HYOU1: variants seen among roughly 807,000 people sequenced by gnomAD.
HYOU1 encodes hypoxia up-regulated protein 1.
A neutral mutation model predicts 120.5 loss-of-function variants in HYOU1; 40 were observed. The observed-to-expected ratio is 0.33, with a 90% CI of 0.26 to 0.43. The LOEUF is 0.43. HYOU1 is among the 20% of genes least tolerant of loss of function. HYOU1 has a pLI of 1.00. For synonymous variants in HYOU1, 501 were observed against 479.4 expected, an observed-to-expected ratio of 1.05 and a Z score of -0.59; for missense variants, 1,085 against 1,278.3, an observed-to-expected ratio of 0.85 and a Z score of 2.31.
Position 119,052,000 on chromosome 11 carries a change from G to T in HYOU1, c.1206-49C>A. On this transcript the variant is annotated intron_variant, in intron 11 of 25. Coordinates refer to ENST00000617285, the MANE Select transcript of HYOU1 (RefSeq NM_006389.5). This position sits in a 1 kb window ranked among gnomAD's most constrained non-coding sequence, Gnocchi z 4.2. ...ACGGTCTACCCTGGAGCATGCAACC[G>T]GGACTTCCCTCCCCTCAGCCCTCCA... is the stretch of plus-strand genomic sequence containing the variant. 6.2e-7 allele frequency: 1 copy of T among 1,613,080 alleles called. No homozygotes were observed. Among genetic ancestry groups the T allele is most frequent in the Non-Finnish European group, 8.5e-7 (1 of 1,179,228 alleles).
chr11:119,052,531 G>A lies in HYOU1; in HGVS notation c.988-102C>T, dbSNP rs114036025. 7,063 of 1,582,088 alleles carry A rather than the reference G, an allele frequency of 4.5e-3. 166 individuals carry two copies. In the African/African-American group the frequency reaches 0.063, roughly 14 times the overall value. On this transcript the variant is annotated intron_variant, in intron 9 of 25. Transcript: ENST00000617285. This position sits in a 1 kb window ranked among gnomAD's most constrained non-coding sequence, Gnocchi z 5.0. ...AATAGGTCTTTGGGAGGATGGTAGC[G>A]GGAGGAGCATGGGCCATGCCAGGCA...
chr11:119,052,400 G>C lies in HYOU1; in HGVS notation c.1017C>G (p.Phe339Leu), dbSNP rs2133592570. 34 of 1,614,100 alleles carry C rather than the reference G, an allele frequency of 2.1e-5. No homozygotes were observed. The highest frequency in any genetic ancestry group is 2.4e-5 in the Non-Finnish European group (28 of 1,180,054). ...QIEGLMDDVDFKAKVTRVEFE... is the reference protein window; with the variant it reads ...QIEGLMDDVDLKAKVTRVEFE... The stretch of plus-strand genomic sequence containing the variant: ...ATTCCACACGAGTCACTTTTGCCTT[G>C]AAGTCCACATCATCCATCAGGCCTT... The change falls in exon 10 of 26, where the codon TTC (phenylalanine) becomes TTG (leucine). Residue 339 changes from phenylalanine (F) to leucine (L), a missense_variant. By Grantham distance (22) the Phe-to-Leu change is conservative. Transcript: ENST00000617285. This position sits in a 1 kb window ranked among gnomAD's most constrained non-coding sequence, Gnocchi z 5.0.
Position 119,051,687 on chromosome 11 carries a change from G to A in HYOU1, c.1339-62C>T. Reference sequence around the variant, plus strand: ...CTAGAGAACCCGAGTAGGTTCTGGGGTAAGGATGGGGGTGGGATGGGGGAG... The same window carrying A: ...CTAGAGAACCCGAGTAGGTTCTGGGATAAGGATGGGGGTGGGATGGGGGAG... On this transcript the variant is annotated intron_variant, in intron 12 of 25. Transcript: ENST00000617285. The surrounding 1 kb of genome is among the most constrained non-coding windows in gnomAD (Gnocchi z 4.2). 3.2e-6 allele frequency: 5 copies of A among 1,585,338 alleles called. No homozygotes were observed. The highest frequency in any genetic ancestry group is 1.1e-5 in the South Asian group (1 of 89,814).
rs1420377740 is a variant in HYOU1, at chr11:119,052,206, T to C, written c.1123-34A>G. Reference sequence around the variant, plus strand: ...GGTAAGAATGACAGGTGCAACAGCATGCAGTTAGCACTGACTCGTCCCTTG... The same window carrying C: ...GGTAAGAATGACAGGTGCAACAGCACGCAGTTAGCACTGACTCGTCCCTTG... On this transcript the variant is annotated intron_variant, in intron 10 of 25. Coordinates refer to ENST00000617285, the MANE Select transcript of HYOU1 (RefSeq NM_006389.5). The surrounding 1 kb of genome is among the most constrained non-coding windows in gnomAD (Gnocchi z 5.0). 3.7e-6 allele frequency: 6 copies of C among 1,613,706 alleles called. No individual in the cohort carries two copies. The highest frequency in any genetic ancestry group is 5.1e-6 in the Non-Finnish European group (6 of 1,179,608).
Position 119,052,550 on chromosome 11 carries a change from C to A in HYOU1, c.987+87G>T. On this transcript the variant is annotated intron_variant, in intron 9 of 25. Transcript: ENST00000617285. The surrounding 1 kb of genome is among the most constrained non-coding windows in gnomAD (Gnocchi z 5.0). ...GGTAGCGGGAGGAGCATGGGCCATG[C>A]CAGGCACGAGCAGCCCAGTTCAGTG... 6.4e-7 allele frequency: 1 copy of A among 1,571,248 alleles called. No individual in the cohort carries two copies. The highest frequency in any genetic ancestry group is 8.7e-7 in the Non-Finnish European group (1 of 1,153,182).
Position 119,051,660 on chromosome 11 carries a change from C to T in HYOU1, c.1339-35G>A, listed in dbSNP as rs2133586968. On this transcript the variant is annotated intron_variant, in intron 12 of 25. Transcript: ENST00000617285. The surrounding 1 kb of genome is among the most constrained non-coding windows in gnomAD (Gnocchi z 4.2). ...AGGCAGACAGAGGCACACTGTTGCA[C>T]ACTAGAGAACCCGAGTAGGTTCTGG... 1 of 1,611,716 alleles carries T rather than the reference C, an allele frequency of 6.2e-7. No homozygotes were observed. The highest frequency in any genetic ancestry group is 2.2e-5 in the East Asian group (1 of 44,846).
chr11:119,046,296 T>A, intron 24 of HYOU1, 121 bp downstream of exon 24: 2 of 802,772 alleles, frequency 2.5e-6, no homozygotes, highest in Admixed American at 2.6e-5. Context: ...TAAACAACCC[T>A]TTAAAAACGC....
rs2133575560 is a variant in HYOU1 at position 119,049,779 on chromosome 11, G to A, written c.1724C>T (p.Thr575Ile). Reference sequence around the variant, plus strand: ...ACACACATGCATGCTCATCTTACTGGTGAGAGTAGATTCCTCTTCTGCGCT... The same window carrying A: ...ACACACATGCATGCTCATCTTACTGATGAGAGTAGATTCCTCTTCTGCGCT... The part of the protein sequence containing the change: ...EDSAEEESTL[T>I]KLGNTISSLF... The change falls in exon 15 of 26, where the codon ACC becomes ATC. Residue 575 changes from threonine (T) to isoleucine (I), a missense_variant and splice_region_variant. Physicochemically the swap from Thr to Ile is moderately conservative, Grantham distance 89. Around this residue, in one of 4 missense-constraint regions of HYOU1, gnomAD observed 515 missense variants for 677.8 expected, o/e 0.76. Transcript: ENST00000617285. The A allele has an allele frequency of 1.2e-6, 2 of 1,613,660 alleles. No homozygotes were observed. The highest frequency in any genetic ancestry group is 1.3e-5 in the African/African-American group (1 of 75,030).
In HYOU1 at chr11:119,054,107, A is replaced by G. The variant is rs1944613873; in HGVS notation, c.794+14T>C. The G allele has an allele frequency of 2.6e-6, 4 of 1,554,492 alleles. No homozygotes were observed. The highest frequency in any genetic ancestry group is 1.7e-4 in the Middle Eastern group (1 of 5,946). On this transcript the variant is annotated intron_variant, in intron 8 of 25. Coordinates refer to ENST00000617285, the MANE Select transcript of HYOU1 (RefSeq NM_006389.5). ...GTCTTCACAAGCAGCCCTCCCTGCCAAGTATCCACTTACCCTACTCCCCGG... is the reference window on the plus strand; with the variant it reads ...GTCTTCACAAGCAGCCCTCCCTGCCGAGTATCCACTTACCCTACTCCCCGG...
In HYOU1 at chr11:119,051,353, T is replaced by A. The variant is rs1944425011; in HGVS notation, c.1526+85A>T. On this transcript the variant is annotated intron_variant, in intron 13 of 25. Transcript: ENST00000617285. This position sits in a 1 kb window ranked among gnomAD's most constrained non-coding sequence, Gnocchi z 4.2. ...CCTGTTTCAGCCCCGCAGGCCCACA[T>A]CCTCCCTCACCCCCAGTCCTCAGAT... 6.6e-7 allele frequency: 1 copy of A among 1,512,900 alleles called. No homozygotes were observed. Among genetic ancestry groups the A allele is most frequent in the Non-Finnish European group, 9.1e-7 (1 of 1,103,292 alleles). 93.7% of individuals were successfully genotyped at this position (1,512,900 alleles called of 1,614,324 possible). A position where few individuals can be genotyped will look rare whatever the true frequency, so the allele number is the denominator to read the frequency against.
intron 6 of HYOU1, 28 bp downstream of exon 6, chr11:119,054,956 C>G: frequency 6.2e-7 from 1 of 1,607,390 alleles, no homozygotes. Context: ...GGGAGCCTGG[C>G]CCTAAGGGCC....
rs2133549701 is a variant in HYOU1 at position 119,046,407 on chromosome 11, T to G, written c.2887+10A>C. ...CATCCACGTGCTCAACCATGGTTGC[T>G]CCAACTCACCAGTCTCTACTTTCTC... is the stretch of plus-strand genomic sequence containing the variant. On this transcript the variant is annotated intron_variant, in intron 24 of 25. Transcript: ENST00000617285. The G allele has an allele frequency of 6.2e-7, 1 of 1,613,884 alleles. No homozygotes were observed. The highest frequency in any genetic ancestry group is 2.2e-5 in the East Asian group (1 of 44,852).
chr11:119,049,919 T>C (rs1004363813), intron 14 of HYOU1, 82 bp from the exon 15 acceptor site: 1 of 1,223,346 alleles, frequency 8.2e-7, no homozygotes, highest in African/African-American at 1.5e-5. Context: ...GGTGTTTGCT[T>C]ATGCACACTC....
Position 119,051,317 on chromosome 11 carries a change from A to C in HYOU1, c.1526+121T>G, listed in dbSNP as rs2133584186. 20 of 1,485,670 alleles carry C rather than the reference A, an allele frequency of 1.3e-5. No individual in the cohort carries two copies. The highest frequency in any genetic ancestry group is 1.8e-5 in the Non-Finnish European group (20 of 1,083,420). The allele number at this position is 1,485,670 out of a possible 1,614,324, so 92.0% of individuals were successfully genotyped here. Reference sequence around the variant, plus strand: ...ACGGATGCATTCTCCAGCGAAGCTGATCATAGCTGCCCTGTTTCAGCCCCG... The same window carrying C: ...ACGGATGCATTCTCCAGCGAAGCTGCTCATAGCTGCCCTGTTTCAGCCCCG... On this transcript the variant is annotated intron_variant, in intron 13 of 25. Transcript: ENST00000617285. The surrounding 1 kb of genome is among the most constrained non-coding windows in gnomAD (Gnocchi z 4.2).
chr11:119,047,061 CTTTT>C, intron 22 of HYOU1: 1 of 335,222 alleles, frequency 3.0e-6, no homozygotes, highest in Non-Finnish European at 5.4e-6. Flanking sequence ...TTGAATAGTC[CTTTT>C]TTTTTTTTGA....
Position 119,051,413 on chromosome 11 carries a change from C to A in HYOU1, c.1526+25G>T. Reference sequence around the variant, plus strand: ...GCCACGCCTCCCCCTCCCTGGAGCTCCCATCCTACACCCCTGCCCCTCACC... The same window carrying A: ...GCCACGCCTCCCCCTCCCTGGAGCTACCATCCTACACCCCTGCCCCTCACC... On this transcript the variant is annotated intron_variant, in intron 13 of 25. Coordinates refer to ENST00000617285, the MANE Select transcript of HYOU1 (RefSeq NM_006389.5). This position sits in a 1 kb window ranked among gnomAD's most constrained non-coding sequence, Gnocchi z 4.2. 1 of 1,611,350 alleles carries A rather than the reference C, an allele frequency of 6.2e-7. No homozygotes were observed. The highest frequency in any genetic ancestry group is 1.1e-5 in the South Asian group (1 of 90,998).
rs373704300 is a variant in HYOU1 at position 119,055,834 on chromosome 11, G to C, written c.101C>G (p.Ala34Gly). The C allele has an allele frequency of 1.5e-5, 25 of 1,613,632 alleles. No individual in the cohort carries two copies. The highest frequency in any genetic ancestry group is 2.1e-5 in the Non-Finnish European group (25 of 1,179,646). ...ACTGCCCAGGTCCACAGACATCACT[G>C]CCAGTGTATCTGAAGGGAAAAGAGG... is the stretch of plus-strand genomic sequence containing the variant. ...ADLLALSDTL[A>G]VMSVDLGSES... The change falls in exon 3 of 26, where the codon GCA becomes GGA. Residue 34 changes from alanine to glycine, a missense_variant. Ala to Gly is a moderately conservative substitution (Grantham distance 60). Around this residue, in one of 4 missense-constraint regions of HYOU1, gnomAD observed 45 missense variants for 49.2 expected, o/e 0.91. Transcript: ENST00000617285. This position sits in a 1 kb window ranked among gnomAD's most constrained non-coding sequence, Gnocchi z 4.0.
Position 119,049,654 on chromosome 11 carries a change from A to G in HYOU1, c.1727-19T>C, listed in dbSNP as rs2133574732. The stretch of plus-strand genomic sequence containing the variant: ...CCAAGTTCTAGGGGGAGTAAAACCC[A>G]AAGACTCAAAAGGAGACCACAGCAG... On this transcript the variant is annotated intron_variant, in intron 15 of 25. Transcript: ENST00000617285. 1.2e-6 allele frequency: 2 copies of G among 1,613,872 alleles called. No individual in the cohort carries two copies. The highest frequency in any genetic ancestry group is 1.7e-6 in the Non-Finnish European group (2 of 1,179,792).
At position 119,051,699 on chromosome 11, in the gene HYOU1, G is replaced by A. The variant is rs115154402; in HGVS notation, c.1339-74C>T. ...AGTAGGTTCTGGGGTAAGGATGGGG[G>A]TGGGATGGGGGAGACCTCTTAGCAG... On this transcript the variant is annotated intron_variant, in intron 12 of 25. Coordinates refer to ENST00000617285, the MANE Select transcript of HYOU1 (RefSeq NM_006389.5). The surrounding 1 kb of genome is among the most constrained non-coding windows in gnomAD (Gnocchi z 4.2). 4.4e-3 allele frequency: 7,088 copies of A among 1,593,390 alleles called. 167 individuals are homozygous for A. The African/African-American group carries it at 0.063, about 14-fold the overall frequency.
Sources: gnomAD v4.1 joint callset for allele counts on GRCh38, gnomAD v4.1.1 for gene constraint, gnomAD v4.1.1 regional missense constraint, Gnocchi (gnomAD v3.1) non-coding constraint, MANE v1.5 for transcripts, NCBI Gene and HGNC (gene_info 2026-07-23, HGNC 2026-07-21) for gene names.